Variants in PRDM16 observed in about 807,000 individuals in gnomAD.
The protein encoded by PRDM16 is PR/SET domain 16.
PRDM16 carries 23 observed loss-of-function variants against 110.6 expected under a neutral mutation model. The ratio of observed to expected loss-of-function variants is 0.21; its 90% confidence interval spans 0.15 to 0.29. The LOEUF (loss-of-function observed/expected upper bound fraction) is 0.29. Ranked by LOEUF, PRDM16 falls within the 10% of genes least tolerant of loss-of-function variation. PRDM16 has a pLI of 1.00. For synonymous variants in PRDM16, 799 were observed against 781.8 expected, an observed-to-expected ratio of 1.02 and a Z score of -0.37; for missense variants, 1,615 against 1,794.3, an observed-to-expected ratio of 0.90 and a Z score of 1.81.
chr1:3,150,985 CGGGGGGCTGGTCCTAGAGCTATGGAAAT>C (rs1176586317), intron 1 of PRDM16, among the ~76,000 whole-genome samples: 118 of 56,326 alleles, frequency 2.1e-3, no homozygotes, highest in Middle Eastern at 0.021. Context: ...GCTATGGAAA[CGGGGGGCTGGTCCTAGAGCTATGGAAAT>C]GGGGGGCTGG....
chr1:3,106,594 G>A (rs989862731), intron 1 of PRDM16, among the ~76,000 whole-genome samples: 2 of 152,194 alleles, frequency 1.3e-5, no homozygotes, highest in African/African-American at 2.4e-5. Context: ...TTGTGGTGTG[G>A]GTGCGCTGGG....
At chr1:3,392,478 C>T (rs1643315555) in intron 4 of PRDM16, among the ~76,000 whole-genome samples, 2 of 152,218 alleles carry the variant, frequency 1.3e-5, no homozygotes, top group African/African-American at 4.8e-5. Flanking sequence ...TTTTAGTCTG[C>T]AGTCCGGTGA....
At chr1:3,204,507 C>G (rs1638707989) in intron 2 of PRDM16, among the ~76,000 whole-genome samples, 3 of 152,364 alleles carry the variant, frequency 2.0e-5, no homozygotes, top group Admixed American at 2.0e-4. Flanking sequence ...AGGGAAGTCT[C>G]CGAATTCCTT....
At chr1:3,383,423 T>C (rs1643139594) in intron 3 of PRDM16, among the ~76,000 whole-genome samples, 1 of 152,068 alleles carries the variant, frequency 6.6e-6, no homozygotes, top group South Asian at 2.1e-4. Flanking sequence ...TGAGAGCAAG[T>C]GGAACAGGAA....
Position 3,181,533 on chromosome 1 carries a change from T to TAC in PRDM16, c.38-4587_38-4586dup, listed in dbSNP as rs34024059. Among the ~76,000 whole-genome samples, 15 of 41,480 alleles carry TAC rather than the reference T, an allele frequency of 3.6e-4. 2 individuals carry two copies. Among genetic ancestry groups the TAC allele is most frequent in the South Asian group, 1.0e-3 (1 of 1,000 alleles). The allele number at this position is 41,480 out of a possible 152,430, so 27.2% of individuals were successfully genotyped here. ...ACACGCAGTCTTACACAAGCGGTCTTACACACGGTCTTACACACGCAGTCT... is the reference window on the plus strand; with the variant it reads ...ACACGCAGTCTTACACAAGCGGTCTTACACACACGGTCTTACACACGCAGTCT... On this transcript the variant is annotated intron_variant, in intron 1 of 16. Transcript: ENST00000270722.
At chr1:3,250,908 G>A (rs999109690) in intron 3 of PRDM16, among the ~76,000 whole-genome samples, 5 of 152,206 alleles carry the variant, frequency 3.3e-5, no homozygotes, top group Non-Finnish European at 5.9e-5. Context: ...GGAGTGGATG[G>A]AAACTGGGAG....
chr1:3,365,040 A>G (rs1642785472), intron 3 of PRDM16, among the ~76,000 whole-genome samples: 1 of 152,184 alleles, frequency 6.6e-6, no homozygotes, highest in African/African-American at 2.4e-5. Context: ...CAGGGTCCCC[A>G]GGAGAAAATA....
rs759645393 is a variant in PRDM16, at chr1:3,243,317, C to A, written c.388-770C>A. Among the ~76,000 whole-genome samples the A allele has an allele frequency of 1.1e-4, 17 of 152,228 alleles. No individual in the cohort carries two copies. The highest frequency in any genetic ancestry group is 2.0e-4 in the Admixed American group (3 of 15,286). On this transcript the variant is annotated intron_variant, in intron 2 of 16. Transcript: ENST00000270722. This position sits in a 1 kb window ranked among gnomAD's most constrained non-coding sequence, Gnocchi z 5.5. ...CCTCCAAAAGCCATGGGGGACATCCCCCTCCCAGGGATCTGGATGGGAGTG... is the reference window on the plus strand; with the variant it reads ...CCTCCAAAAGCCATGGGGGACATCCACCTCCCAGGGATCTGGATGGGAGTG...
intron 3 of PRDM16, among the ~76,000 whole-genome samples, chr1:3,325,043 G>C (rs938316560): frequency 6.6e-6 from 1 of 152,142 alleles, no homozygotes; most frequent in Non-Finnish European, 1.5e-5. Context: ...TCTGAACTCC[G>C]CCAACCACCT....
At chr1:3,335,602 AACACACACACAC>A (rs3036535) in intron 3 of PRDM16, among the ~76,000 whole-genome samples, 15 of 144,436 alleles carry the variant, frequency 1.0e-4, no homozygotes, top group East Asian at 6.4e-4. Flanking sequence ...CTGAGGTTAA[AACACACACACAC>A]ACACACACAC....
At position 3,194,599 on chromosome 1, in the gene PRDM16, A is replaced by G. The variant is rs111644192; in HGVS notation, c.387+8125A>G. On this transcript the variant is annotated intron_variant, in intron 2 of 16. Coordinates refer to ENST00000270722, the MANE Select transcript of PRDM16 (RefSeq NM_022114.4). Reference sequence around the variant, plus strand: ...CCCCACCACACGCCACCGTCTCCCCACCACACGCCACCGTCTCCCCACCAC... The same window carrying G: ...CCCCACCACACGCCACCGTCTCCCCGCCACACGCCACCGTCTCCCCACCAC... Among the ~76,000 whole-genome samples, 867 of 140,086 alleles carry G rather than the reference A, an allele frequency of 6.2e-3. 6 individuals are homozygous for G. Among genetic ancestry groups the G allele is most frequent in the African/African-American group, 0.022 (785 of 36,088 alleles). 91.9% of individuals were successfully genotyped at this position (140,086 alleles called of 152,430 possible). A position where few individuals can be genotyped will look rare whatever the true frequency, so the allele number is the denominator to read the frequency against.
In PRDM16 at chr1:3,411,241, C is replaced by T. The variant is rs57382922; in HGVS notation, c.1187-143C>T. ...GTACACACATATACACCCATGCCCA[C>T]GCACATGCACCCAGACAGACTGCTT... On this transcript the variant is annotated intron_variant, in intron 8 of 16. Transcript: ENST00000270722. 20,513 of 748,134 alleles carry T rather than the reference C, an allele frequency of 0.027. 464 individuals are homozygous for T. The highest frequency in any genetic ancestry group is 0.082 in the African/African-American group (4,639 of 56,720). 46.3% of individuals were successfully genotyped at this position (748,134 alleles called of 1,614,324 possible). A position where few individuals can be genotyped will look rare whatever the true frequency, so the allele number is the denominator to read the frequency against.
At chr1:3,191,582 C>G (rs1443178060) in intron 2 of PRDM16, among the ~76,000 whole-genome samples, 1 of 152,222 alleles carries the variant, frequency 6.6e-6, no homozygotes, top group Non-Finnish European at 1.5e-5. Flanking sequence ...AAACACCCAG[C>G]CTTGAAGAAA....
rs1265351825 is a variant in PRDM16, at chr1:3,069,896, C to G, written c.37+600C>G. On this transcript the variant is annotated intron_variant, in intron 1 of 16. Coordinates refer to ENST00000270722, the MANE Select transcript of PRDM16 (RefSeq NM_022114.4). The surrounding 1 kb of genome is among the most constrained non-coding windows in gnomAD (Gnocchi z 6.1). ...CCACCCGGCTCCGCGGGCGCAGGGG[C>G]AGGGGTGGCGACGGCGGGACAGCCG... Among the ~76,000 whole-genome samples, 1 of 151,816 alleles carries G rather than the reference C, an allele frequency of 6.6e-6. No homozygotes were observed. The highest frequency in any genetic ancestry group is 1.5e-5 in the Non-Finnish European group (1 of 67,894).
intron 1 of PRDM16, among the ~76,000 whole-genome samples, chr1:3,112,122 TC>T (rs914516682): frequency 7.2e-5 from 11 of 151,812 alleles, no homozygotes; most frequent in Admixed American, 2.0e-4. Flanking sequence ...GAAGTTCCTT[TC>T]CCCCCCTTAT....
At chr1:3,349,293 T>C (rs1276307620) in intron 3 of PRDM16, among the ~76,000 whole-genome samples, 2 of 151,790 alleles carry the variant, frequency 1.3e-5, no homozygotes, top group African/African-American at 2.4e-5. Context: ...GGAGGAGGTG[T>C]GGACGGGGCC....
chr1:3,128,109 G>A (rs548420326), intron 1 of PRDM16: 6 of 154,814 alleles, frequency 3.9e-5, no homozygotes, highest in South Asian at 2.0e-4. Flanking sequence ...GATCAACTCC[G>A]CCTCTCACTG....
intron 1 of PRDM16, among the ~76,000 whole-genome samples, chr1:3,079,993 C>T (rs1641986853): frequency 6.6e-6 from 1 of 152,244 alleles, no homozygotes; most frequent in African/African-American, 2.4e-5. Context: ...GCGTGCCCAC[C>T]CGGCCCAAAG....
At chr1:3,134,635 G>A (rs763766208) in intron 1 of PRDM16, among the ~76,000 whole-genome samples, 12 of 152,264 alleles carry the variant, frequency 7.9e-5, no homozygotes, top group East Asian at 1.9e-4. Context: ...GGAGTTAACC[G>A]TGGCGGCTTG....
Sources: gnomAD v4.1 joint callset for allele counts (sites outside exome capture counted in the v4.1 genomes callset) on GRCh38, gnomAD v4.1.1 for gene constraint, Gnocchi (gnomAD v3.1) non-coding constraint, MANE v1.5 for transcripts, NCBI Gene and HGNC (gene_info 2026-07-23, HGNC 2026-07-21) for gene names.